The following IGSF5 variants were observed in gnomAD, a reference collection of about 807,000 sequenced individuals.
IGSF5 encodes immunoglobulin superfamily member 5.
IGSF5 carries 41 observed loss-of-function variants against 39.4 expected under a neutral mutation model. The observed-to-expected ratio is 1.04, with a 90% CI of 0.81 to 1.35. The LOEUF is 1.35. IGSF5 is among the 40% of genes most tolerant of loss of function. IGSF5 has a pLI of 0.00. For synonymous variants in IGSF5, 183 were observed against 175.3 expected (o/e 1.04, Z -0.34); for missense variants, 487 against 494.6 (o/e 0.98, Z 0.15).
At chr21:39,747,087 T>C (rs1210407990) in intron 2 of IGSF5, among the ~76,000 whole-genome samples, 1 of 152,120 alleles carries the variant, frequency 6.6e-6, no homozygotes, top group Non-Finnish European at 1.5e-5. Context: ...CCTGGTGAAT[T>C]AGTCTGTTTT....
chr21:39,715,534 G>A, the IGSF5 span, among the ~76,000 whole-genome samples: 2 of 152,138 alleles, frequency 1.3e-5, no homozygotes, highest in African/African-American at 4.8e-5. Context: ...GGAGGTCCAC[G>A]TATTTATTTT....
At chr21:39,756,307 A>G (rs1241645368) in intron 2 of IGSF5, among the ~76,000 whole-genome samples, 1 of 152,232 alleles carries the variant, frequency 6.6e-6, no homozygotes, top group Non-Finnish European at 1.5e-5. Flanking sequence ...TTTCACGCTG[A>G]CACTGTGGGT....
chr21:39,742,499 C>T (rs754902679), upstream of IGSF5, among the ~76,000 whole-genome samples: 9 of 152,202 alleles, frequency 5.9e-5, no homozygotes, highest in Non-Finnish European at 1.2e-4. Flanking sequence ...CATGGGCTGG[C>T]GCTTGCCCTG....
At chr21:39,768,333 C>T (rs1311815655) in intron 3 of IGSF5, among the ~76,000 whole-genome samples, 2 of 152,150 alleles carry the variant, frequency 1.3e-5, no homozygotes, top group African/African-American at 4.8e-5. Flanking sequence ...ATGATTTTTT[C>T]ACCTCCTTAT....
intron 8 of IGSF5, among the ~76,000 whole-genome samples, chr21:39,794,096 C>A (rs2086981342): frequency 3.9e-5 from 6 of 152,294 alleles, no homozygotes; most frequent in Admixed American, 3.3e-4. Flanking sequence ...GTTTGCTCTG[C>A]ATGCAAGTTC....
the IGSF5 span, chr21:39,729,562 G>T: frequency 1.3e-5 from 2 of 152,274 alleles, no homozygotes; most frequent in Non-Finnish European, 2.9e-5. Context: ...GACTTCAGAA[G>T]AAGCAGACAG....
chr21:39,774,961 G>GAGAGAGAA (rs1160319500), intron 4 of IGSF5, among the ~76,000 whole-genome samples: 2 of 152,178 alleles, frequency 1.3e-5, no homozygotes, highest in African/African-American at 2.4e-5. Flanking sequence ...GAATAGAGAA[G>GAGAGAGAA]TCCTCTCTCC....
the IGSF5 span, among the ~76,000 whole-genome samples, chr21:39,739,658 G>C: frequency 6.6e-6 from 1 of 152,110 alleles, no homozygotes; most frequent in African/African-American, 2.4e-5. Flanking sequence ...TGCTCTAACT[G>C]CTTCCTGCTG....
At chr21:39,729,748 T>A in the IGSF5 span, 2 of 152,188 alleles carry the variant, frequency 1.3e-5, no homozygotes, top group Non-Finnish European at 2.9e-5. Flanking sequence ...ATGTTAAGAC[T>A]GTTCAAGACT....
chr21:39,722,743 T>C, the IGSF5 span, among the ~76,000 whole-genome samples: 144 of 152,336 alleles, frequency 9.5e-4, 1 homozygote, highest in Middle Eastern at 3.4e-3. Flanking sequence ...ACCTTATTTG[T>C]CTTCATAACA....
chr21:39,754,429 C>T (rs1211509316), intron 2 of IGSF5, among the ~76,000 whole-genome samples: 1 of 152,124 alleles, frequency 6.6e-6, no homozygotes, highest in African/African-American at 2.4e-5. Context: ...TGCCGTTGCC[C>T]CAAACATGAC....
the IGSF5 span, among the ~76,000 whole-genome samples, chr21:39,738,230 A>G: frequency 6.6e-6 from 1 of 152,168 alleles, no homozygotes; most frequent in Non-Finnish European, 1.5e-5. The surrounding 1 kb of genome is among the most constrained non-coding windows in gnomAD (Gnocchi z 6.4). Flanking sequence ...CAGAAGGCAA[A>G]GGCACCTCTT....
intron 3 of IGSF5, among the ~76,000 whole-genome samples, 174 bp downstream of exon 3, chr21:39,766,026 C>G (rs2080085919): frequency 6.6e-6 from 1 of 152,194 alleles, no homozygotes; most frequent in East Asian, 1.9e-4. Flanking sequence ...CCTCCTTCCT[C>G]CCTCATGCTC....
At position 39,746,263 on chromosome 21, in the gene IGSF5, C is replaced by T. The variant is rs1041822083; in HGVS notation, c.65C>T (p.Ala22Val). 7.1e-6 allele frequency: 5 copies of T among 701,450 alleles called. No individual in the cohort carries two copies. The highest frequency in any genetic ancestry group is 1.5e-5 in the South Asian group (1 of 67,488). 43.5% of individuals were successfully genotyped at this position (701,450 alleles called of 1,614,324 possible). Residue 22 changes from alanine (A) to valine (V), a missense_variant, in exon 2 of 9, where the codon GCG becomes GTG. Physicochemically the swap from Ala to Val is moderately conservative, Grantham distance 64 (BLOSUM62 0). Coordinates refer to ENST00000380588, the MANE Select transcript of IGSF5 (RefSeq NM_001080444.2). ...LPDLEEWKSA[A>V]GLRWWQTAVV... is the part of the protein sequence containing the mutation. ...GATCTGGAGGAATGGAAGTCAGCGG[C>T]GGGTCTGCGATGGTGGCAAACAGCA...
chr21:39,792,115 G>T lies in IGSF5; in HGVS notation c.1048+16G>T. On this transcript the variant is annotated intron_variant, in intron 7 of 8. Transcript: ENST00000380588. ...AAGACCACAGGTGAGTAGACAAGAG[G>T]GGTGGTGAAAAGACCTGGGAAAGAG... 1.3e-6 allele frequency: 2 copies of T among 1,570,068 alleles called. No individual in the cohort carries two copies. Among genetic ancestry groups the T allele is most frequent in the Non-Finnish European group, 8.7e-7 (1 of 1,146,184 alleles).
At chr21:39,759,088 CA>C (rs2080047652) in intron 2 of IGSF5, among the ~76,000 whole-genome samples, 1 of 54,736 alleles carries the variant, frequency 1.8e-5, no homozygotes, top group Non-Finnish European at 4.4e-5. Flanking sequence ...TTGTACTTTA[CA>C]AACATATCTA....
the IGSF5 span, among the ~76,000 whole-genome samples, chr21:39,735,440 T>G: frequency 6.6e-6 from 1 of 152,218 alleles, no homozygotes; most frequent in Non-Finnish European, 1.5e-5. Context: ...AACTGCTATT[T>G]GTATAGATTA....
intron 2 of IGSF5, among the ~76,000 whole-genome samples, chr21:39,750,568 G>C (rs1450338232): frequency 6.7e-6 from 1 of 150,132 alleles, no homozygotes; most frequent in Non-Finnish European, 1.5e-5. Context: ...TTGGGACACA[G>C]TCTTCCAGAA....
the IGSF5 span, among the ~76,000 whole-genome samples, chr21:39,736,787 A>G: frequency 6.6e-6 from 1 of 152,190 alleles, no homozygotes; most frequent in South Asian, 2.1e-4. Context: ...AGCTCTAACA[A>G]TATTCTCCAG....
Sources: gnomAD v4.1 joint callset for allele counts (sites outside exome capture counted in the v4.1 genomes callset) on GRCh38, gnomAD v4.1.1 for gene constraint, Gnocchi (gnomAD v3.1) non-coding constraint, MANE v1.5 for transcripts, NCBI Gene and HGNC (gene_info 2026-07-23, HGNC 2026-07-21) for gene names.